Variants in RIPOR2 observed in about 807,000 individuals in gnomAD.
The protein encoded by RIPOR2 is rho family-interacting cell polarization regulator 2.
RIPOR2 carries 39 observed loss-of-function variants against 114.5 expected under a neutral mutation model. That is an observed-to-expected ratio of 0.34 (90% CI 0.26 to 0.44). The LOEUF (loss-of-function observed/expected upper bound fraction) is 0.44, where lower values mean the gene tolerates loss of function less well. Ranked by LOEUF, RIPOR2 falls within the 20% of genes least tolerant of loss-of-function variation. The pLI, the probability that RIPOR2 is intolerant of heterozygous loss-of-function variation, is 1.00. For synonymous variants in RIPOR2, 445 were observed against 484.4 expected (o/e 0.92, Z 1.07); for missense variants, 1,007 against 1,255.1 (o/e 0.80, Z 2.99).
intron 2 of RIPOR2, among the ~76,000 whole-genome samples, chr6:24,874,808 G>A (rs945943501): frequency 5.3e-5 from 8 of 152,228 alleles, no homozygotes; most frequent in African/African-American, 1.9e-4. Flanking sequence ...AATTCTATAT[G>A]ACATTAAAAT....
chr6:24,861,877 C>T (rs1764103956), intron 7 of RIPOR2, among the ~76,000 whole-genome samples: 1 of 152,178 alleles, frequency 6.6e-6, no homozygotes, highest in South Asian at 2.1e-4. Context: ...GTTCAATGTA[C>T]AAGTCTTTCA....
intron 1 of RIPOR2, among the ~76,000 whole-genome samples, chr6:24,944,103 TC>T (rs1414387298): frequency 6.6e-6 from 1 of 152,136 alleles, no homozygotes; most frequent in African/African-American, 2.4e-5. Flanking sequence ...TTCCTGGGAA[TC>T]TAGAAGGTGA....
chr6:24,971,321 A>G (rs1229229659), intron 1 of RIPOR2, among the ~76,000 whole-genome samples: 1 of 152,226 alleles, frequency 6.6e-6, no homozygotes, highest in Middle Eastern at 3.2e-3. Flanking sequence ...CTCTGGATTT[A>G]GCAAGTCATT....
In RIPOR2 at chr6:24,861,027, T is replaced by C; in HGVS notation, c.661A>G (p.Thr221Ala). ...SFKEYTENMC[T>A]IEVELENLLG... ...AGATTCTCTAGCTCCACTTCAATGG[T>C]GCACATATTCTGCAAAGAGGACAGG... Residue 221 changes from threonine (T) to alanine (A), a missense_variant, in exon 8 of 22, where the codon ACC becomes GCC. Physicochemically the swap from Thr to Ala is moderately conservative, Grantham distance 58. Transcript: ENST00000643898. The C allele has an allele frequency of 6.2e-7, 1 of 1,609,572 alleles. No individual in the cohort carries two copies. The highest frequency in any genetic ancestry group is 8.5e-7 in the Non-Finnish European group (1 of 1,176,708).
At chr6:24,850,097 C>A in intron 10 of RIPOR2, 147 bp from the exon 11 acceptor site, 2 of 436,758 alleles carry the variant, frequency 4.6e-6, no homozygotes, top group Non-Finnish European at 7.9e-6. Context: ...TTTTCTTTTT[C>A]TTTTTTTTTT....
intron 1 of RIPOR2, among the ~76,000 whole-genome samples, chr6:25,005,765 C>A: frequency 1.9e-5 from 2 of 107,434 alleles, no homozygotes; most frequent in Non-Finnish European, 2.0e-5. Context: ...AAAGATATGC[C>A]ATTATATACA....
chr6:24,834,798 A>G (rs1760985028), intron 15 of RIPOR2, among the ~76,000 whole-genome samples: 1 of 152,014 alleles, frequency 6.6e-6, no homozygotes, highest in Non-Finnish European at 1.5e-5. Flanking sequence ...TAATTTTTGT[A>G]TCTTTTGTAG....
chr6:24,927,142 A>AG (rs1770946567), intron 1 of RIPOR2, among the ~76,000 whole-genome samples: 4 of 101,910 alleles, frequency 3.9e-5, no homozygotes, highest in Admixed American at 9.4e-5. Flanking sequence ...CACTACCACC[A>AG]CCACCACCAC....
chr6:25,038,289 C>T (rs1380800195), intron 1 of RIPOR2, among the ~76,000 whole-genome samples: 1 of 152,226 alleles, frequency 6.6e-6, no homozygotes, highest in East Asian at 1.9e-4. Context: ...ACGATTCTTG[C>T]CCCTTGGCAT....
chr6:24,875,612 G>GCA (rs1765654747), intron 2 of RIPOR2, 79 bp downstream of exon 2: 1 of 1,409,752 alleles, frequency 7.1e-7, no homozygotes, highest in African/African-American at 1.4e-5. Context: ...AAGGCTGAAT[G>GCA]CACACAGACC....
At chr6:25,011,269 A>T (rs571173022) in intron 1 of RIPOR2, among the ~76,000 whole-genome samples, 2 of 152,306 alleles carry the variant, frequency 1.3e-5, no homozygotes, top group African/African-American at 4.8e-5. Flanking sequence ...ATGTACATGT[A>T]GGTATATATG....
intron 1 of RIPOR2, among the ~76,000 whole-genome samples, chr6:24,895,029 T>C (rs80013445): frequency 6.6e-6 from 1 of 152,128 alleles, no homozygotes; most frequent in Non-Finnish European, 1.5e-5. Flanking sequence ...AGGCCGTATC[T>C]TAGAATTACC....
At position 24,806,069 on chromosome 6, in the gene RIPOR2, C is replaced by T; in HGVS notation, c.*304G>A. 3.5e-6 allele frequency: 1 copy of T among 284,206 alleles called. No individual in the cohort carries two copies. The highest frequency in any genetic ancestry group is 5.3e-5 in the South Asian group (1 of 18,844). The allele number at this position is 284,206 out of a possible 1,614,324, so 17.6% of individuals were successfully genotyped here. The stretch of plus-strand genomic sequence containing the variant: ...GGCTCAAGCAATCCTCCCACCTTAG[C>T]CTCCCAAGTAGCTGGGACTACAGGT... On this transcript the variant is annotated 3_prime_UTR_variant, in exon 22 of 22. Coordinates refer to ENST00000643898, the MANE Select transcript of RIPOR2 (RefSeq NM_001286445.3).
intron 1 of RIPOR2, chr6:25,031,382 G>A (rs1173325689): frequency 1.3e-5 from 2 of 152,090 alleles, no homozygotes; most frequent in East Asian, 1.9e-4. Context: ...GGGCATGAAG[G>A]AATGTCTGGG....
Position 24,829,171 on chromosome 6 carries a change from G to T in RIPOR2, c.2507-876C>A, listed in dbSNP as rs377132912. 3.3e-4 allele frequency among the ~76,000 whole-genome samples: 50 copies of T among 152,056 alleles called. 1 individual carries two copies. In the South Asian group the frequency reaches 7.5e-3, roughly 23 times the overall value. On this transcript the variant is annotated intron_variant, in intron 17 of 21. Transcript: ENST00000643898. Reference sequence around the variant, plus strand: ...CTACTAAAAATATAAAAATTAGCTGGTCATGGTGGCATGTGCCTGTAATCA... The same window carrying T: ...CTACTAAAAATATAAAAATTAGCTGTTCATGGTGGCATGTGCCTGTAATCA...
At chr6:24,825,784 T>C (rs1562223653) in intron 18 of RIPOR2, among the ~76,000 whole-genome samples, 1 of 152,294 alleles carries the variant, frequency 6.6e-6, no homozygotes, top group Non-Finnish European at 1.5e-5. Context: ...GCAGACTTAA[T>C]TGCTCCTCTT....
At chr6:24,994,559 C>G (rs1457909577) in intron 1 of RIPOR2, among the ~76,000 whole-genome samples, 1 of 152,126 alleles carries the variant, frequency 6.6e-6, no homozygotes, top group Non-Finnish European at 1.5e-5. Flanking sequence ...ATTTTTCTAC[C>G]TTTATTCTCA....
At chr6:24,983,528 G>A (rs1397526187) in intron 1 of RIPOR2, among the ~76,000 whole-genome samples, 4 of 151,982 alleles carry the variant, frequency 2.6e-5, no homozygotes, top group Non-Finnish European at 5.9e-5. Flanking sequence ...AGGCCTAGGC[G>A]GGTGGATCAC....
At chr6:24,895,108 A>G (rs908532902) in intron 1 of RIPOR2, among the ~76,000 whole-genome samples, 12 of 152,108 alleles carry the variant, frequency 7.9e-5, no homozygotes, top group African/African-American at 2.9e-4. Flanking sequence ...GCTGGTGTGC[A>G]GTGGCACCAT....
Sources: gnomAD v4.1 joint callset for allele counts (sites outside exome capture counted in the v4.1 genomes callset) on GRCh38, gnomAD v4.1.1 for gene constraint, MANE v1.5 for transcripts, NCBI Gene and HGNC (gene_info 2026-07-23, HGNC 2026-07-21) for gene names.